UBR4: variants seen among roughly 807,000 people sequenced by gnomAD.
The protein encoded by UBR4 is ubiquitin protein ligase E3 component n-recognin 4, also known as E3 ubiquitin-protein ligase UBR4.
A neutral mutation model predicts 575.6 loss-of-function variants in UBR4; 124 were observed. The ratio of observed to expected loss-of-function variants is 0.22; its 90% CI spans 0.19 to 0.25. UBR4 has a LOEUF of 0.25. Ranked by LOEUF, UBR4 falls within the 10% of genes least tolerant of loss-of-function variation. The pLI is 1.00. For synonymous variants in UBR4, 2,455 were observed against 2,473.7 expected (o/e 0.99, Z 0.22); for missense variants, 4,818 against 6,478.8 (o/e 0.74, Z 8.80).
chr1:19,104,808 G>C, intron 85 of UBR4, 142 bp from the exon 86 acceptor site: 1 of 1,115,104 alleles, frequency 9.0e-7, no homozygotes, highest in Non-Finnish European at 1.3e-6. Flanking sequence ...TCCTTTCCAG[G>C]AAGCCAACAG....
At position 19,089,058 on chromosome 1, in the gene UBR4, C is replaced by A; in HGVS notation, c.14212-81G>T. On this transcript the variant is annotated intron_variant, in intron 97 of 105. Coordinates refer to ENST00000375254, the MANE Select transcript of UBR4 (RefSeq NM_020765.3). The surrounding 1 kb of genome is among the most constrained non-coding windows in gnomAD (Gnocchi z 4.3). Reference sequence around the variant, plus strand: ...TCCCGGGAGCTTAAAGGTTTAGAAACTCAACCAGCATGCACCATCTCATGT... The same window carrying A: ...TCCCGGGAGCTTAAAGGTTTAGAAAATCAACCAGCATGCACCATCTCATGT... 1 of 1,426,342 alleles carries A rather than the reference C, an allele frequency of 7.0e-7. No individual in the cohort carries two copies. The highest frequency in any genetic ancestry group is 9.6e-7 in the Non-Finnish European group (1 of 1,037,822). 88.4% of individuals were successfully genotyped at this position (1,426,342 alleles called of 1,614,324 possible).
intron 3 of UBR4, 55 bp downstream of exon 3, chr1:19,199,596 A>C: frequency 6.6e-7 from 1 of 1,504,158 alleles, no homozygotes; most frequent in Non-Finnish European, 9.2e-7. Flanking sequence ...CTATTCCACT[A>C]GTCAGTCACA....
At chr1:19,193,651 C>A in intron 8 of UBR4, 94 bp from the exon 9 acceptor site, 1 of 1,460,752 alleles carries the variant, frequency 6.8e-7, no homozygotes, top group Non-Finnish European at 9.1e-7. Context: ...ACAAGCAATT[C>A]CATGATTTGA....
intron 60 of UBR4, among the ~76,000 whole-genome samples, chr1:19,135,782 A>C (rs1441856600): frequency 6.6e-6 from 1 of 152,190 alleles, no homozygotes; most frequent in Non-Finnish European, 1.5e-5. Flanking sequence ...AAATAAGACA[A>C]AAAGAATATC....
intron 71 of UBR4, chr1:19,118,235 T>A: frequency 4.8e-6 from 1 of 209,296 alleles, no homozygotes; most frequent in Non-Finnish European, 9.5e-6. Context: ...AATAGGTTAA[T>A]ACATAAATTA....
rs766017140 is a variant in UBR4 at position 19,210,227 on chromosome 1, C to T, written c.22G>A (p.Glu8Lys). 2 of 1,433,578 alleles carry T rather than the reference C, an allele frequency of 1.4e-6. No homozygotes were observed. Among genetic ancestry groups the T allele is most frequent in the South Asian group, 2.9e-5 (2 of 67,930 alleles). The allele number at this position is 1,433,578 out of a possible 1,614,324, so 88.8% of individuals were successfully genotyped here. ...GGCGCCGGAGCCGCTGCCGCCGCCT[C>T]TTCGCCGCCGCTCGTCGCCATCTTC... MATSGGE[E>K]AAAAAPAPGT... is the part of the protein sequence containing the mutation. Residue 8 changes from glutamate (E) to lysine (K), a missense_variant, in exon 1 of 106, where the codon GAG (glutamate) becomes AAG (lysine). Transcript: ENST00000375254.
chr1:19,107,964 A>T (rs2079407470), intron 81 of UBR4, among the ~76,000 whole-genome samples: 1 of 152,200 alleles, frequency 6.6e-6, no homozygotes, highest in Non-Finnish European at 1.5e-5. Context: ...ACTGCTTTAT[A>T]AGACATCTGG....
intron 61 of UBR4, 40 bp from the exon 62 acceptor site, chr1:19,128,358 A>G: frequency 6.4e-7 from 1 of 1,567,778 alleles, no homozygotes; most frequent in Non-Finnish European, 8.8e-7. Flanking sequence ...CCAATTTCCT[A>G]AAGAAGAACG....
chr1:19,154,852 TG>T (rs1272895782), intron 44 of UBR4, 65 bp downstream of exon 44: 67 of 1,598,218 alleles, frequency 4.2e-5, no homozygotes, highest in Non-Finnish European at 5.7e-5. Flanking sequence ...TAGCAGATAG[TG>T]GGAGTGGAGA....
Position 19,129,000 on chromosome 1 carries a change from A to G in UBR4, c.8981T>C (p.Val2994Ala), listed in dbSNP as rs1235730340. The change falls in exon 61 of 106, where the codon GTC becomes GCC. Residue 2994 changes from valine to alanine, a missense_variant. By Grantham distance (64) the Val-to-Ala change is moderately conservative. Around this residue, in one of 29 missense-constraint regions of UBR4, gnomAD observed 87 missense variants for 82.8 expected, o/e 1.05. Transcript: ENST00000375254. The stretch of plus-strand genomic sequence containing the variant: ...TACCTGCATGTATGGGATGGCCCGG[A>G]CACCGCCAACGTTTCGTAATTGAGG... The part of the protein sequence containing the change: ...TLPQLRNVGG[V>A]RAIPYMQVIL... The G allele has an allele frequency of 6.2e-7, 1 of 1,614,082 alleles. No homozygotes were observed. The highest frequency in any genetic ancestry group is 8.5e-7 in the Non-Finnish European group (1 of 1,179,986).
intron 1 of UBR4, among the ~76,000 whole-genome samples, chr1:19,203,290 C>G (rs891060831): frequency 6.6e-6 from 1 of 151,892 alleles, no homozygotes; most frequent in African/African-American, 2.4e-5. Context: ...TATCTGAGGC[C>G]AGGAGTTCGA....
chr1:19,104,799 C>G, intron 85 of UBR4, 133 bp from the exon 86 acceptor site: 1 of 1,148,556 alleles, frequency 8.7e-7, no homozygotes, highest in Non-Finnish European at 1.3e-6. Flanking sequence ...TTGCAGAACT[C>G]CTTTCCAGGA....
At chr1:19,113,495 T>C in intron 77 of UBR4, 2 of 723,686 alleles carry the variant, frequency 2.8e-6, no homozygotes, top group Non-Finnish European at 4.5e-6. Context: ...TTATCTAGCA[T>C]GAACTCAGCA....
At position 19,077,983 on chromosome 1, in the gene UBR4, A is replaced by G. The variant is rs757977439; in HGVS notation, c.15317T>C (p.Met5106Thr). The G allele has an allele frequency of 2.5e-6, 4 of 1,613,864 alleles. No homozygotes were observed. The highest frequency in any genetic ancestry group is 2.5e-6 in the Non-Finnish European group (3 of 1,179,926). The stretch of plus-strand genomic sequence containing the variant: ...CTCTGACAGCCTCCTTACCTTAAAC[A>G]TGTTGTAAATGAGATCGACGAGGGC... ...FWALVDLIYN[M>T]FKKVPTSNTE... The change falls in exon 104 of 106, where the codon ATG (methionine) becomes ACG (threonine). Residue 5106 changes from methionine (M) to threonine (T), a missense_variant. Physicochemically the swap from Met to Thr is moderately conservative, Grantham distance 81 (BLOSUM62 -1). Coordinates refer to ENST00000375254, the MANE Select transcript of UBR4 (RefSeq NM_020765.3).
Position 19,138,086 on chromosome 1 carries a change from T to C in UBR4, c.8827A>G (p.Thr2943Ala), listed in dbSNP as rs2083400955. 5 of 1,598,762 alleles carry C rather than the reference T, an allele frequency of 3.1e-6. No homozygotes were observed. Among genetic ancestry groups the C allele is most frequent in the Non-Finnish European group, 4.3e-6 (5 of 1,171,242 alleles). ...VSSSTGAIST[T>A]TGHQEGDGSE... ...CCATCTCCCTCCTGGTGCCCAGTGGTGGTGCTGATGGCTCCAGTGCTTGAG... is the reference window on the plus strand; with the variant it reads ...CCATCTCCCTCCTGGTGCCCAGTGGCGGTGCTGATGGCTCCAGTGCTTGAG... The change falls in exon 60 of 106, where the codon ACC becomes GCC. Residue 2943 changes from threonine to alanine, a missense_variant. Thr to Ala is a moderately conservative substitution (Grantham distance 58). Transcript: ENST00000375254.
chr1:19,143,236 C>CAGGA (rs1176780647), intron 55 of UBR4, among the ~76,000 whole-genome samples: 2,156 of 82,472 alleles, frequency 0.026, 40 homozygotes, highest in Middle Eastern at 0.034. Context: ...GGAAGGAAGG[C>CAGGA]AGGAAGGAAG....
At chr1:19,154,637 T>G (rs907472342) in intron 44 of UBR4, among the ~76,000 whole-genome samples, 5 of 152,166 alleles carry the variant, frequency 3.3e-5, no homozygotes, top group Admixed American at 2.0e-4. Flanking sequence ...AAAATCACAT[T>G]TATAACATTA....
At chr1:19,098,949 AG>A (rs1208786917) in intron 90 of UBR4, among the ~76,000 whole-genome samples, 2 of 152,250 alleles carry the variant, frequency 1.3e-5, no homozygotes, top group African/African-American at 4.8e-5. Flanking sequence ...AGAGAAATGG[AG>A]GGGAAGAAAA....
At position 19,112,531 on chromosome 1, in the gene UBR4, G is replaced by A. The variant is rs754522359; in HGVS notation, c.11794C>T (p.Leu3932=). 1.9e-6 allele frequency: 3 copies of A among 1,609,932 alleles called. No individual in the cohort carries two copies. The highest frequency in any genetic ancestry group is 1.3e-5 in the African/African-American group (1 of 75,050). Residue 3932 remains leucine (L), a synonymous_variant, in exon 78 of 106, where the codon CTA becomes TTA. Transcript: ENST00000375254. ...REEVRQLMCL[L]TRDNPEATQQ... is the part of the protein sequence containing the mutation. ...CATGGTGTAGGTACTGACCGAGTTAGGAGGCACATGAGCTGGCGGACCTCC... is the reference window on the plus strand; with the variant it reads ...CATGGTGTAGGTACTGACCGAGTTAAGAGGCACATGAGCTGGCGGACCTCC...
Sources: allele counts gnomAD v4.1 joint callset (sites outside exome capture counted in the v4.1 genomes callset), GRCh38; gene constraint gnomAD v4.1.1; regional missense constraint gnomAD v4.1.1; non-coding constraint Gnocchi (gnomAD v3.1); transcripts MANE v1.5; gene names NCBI Gene and HGNC (gene_info 2026-07-23, HGNC 2026-07-21).